Variants in TMC2 observed in about 807,000 individuals in gnomAD.
TMC2 encodes the protein transmembrane channel-like protein 2.
TMC2 carries 102 observed loss-of-function variants against 105.9 expected under a neutral mutation model. The ratio of observed to expected loss-of-function variants is 0.96; its 90% confidence interval spans 0.82 to 1.14. TMC2 has a LOEUF of 1.14. Ranked by LOEUF, TMC2 falls within the 50% of genes most tolerant of loss-of-function variation. TMC2 has a pLI of 0.00. For missense variants in TMC2, 1,093 were observed against 1,134.3 expected, an observed-to-expected ratio of 0.96 and a Z score of 0.52; for synonymous variants, 402 against 422.8, an observed-to-expected ratio of 0.95 and a Z score of 0.60.
At chr20:2,581,486 C>G (rs1600111495) in intron 7 of TMC2, among the ~76,000 whole-genome samples, 1 of 152,158 alleles carries the variant, frequency 6.6e-6, no homozygotes, top group African/African-American at 2.4e-5. Flanking sequence ...TACACAAACA[C>G]TCTTACACCA....
intron 7 of TMC2, among the ~76,000 whole-genome samples, chr20:2,584,074 T>C (rs1020187512): frequency 4.6e-5 from 7 of 152,176 alleles, no homozygotes; most frequent in Non-Finnish European, 1.0e-4. Context: ...TAGGTTTACA[T>C]AGCAAGCATT....
chr20:2,544,047 G>A (rs989540722), intron 2 of TMC2, among the ~76,000 whole-genome samples: 15 of 149,718 alleles, frequency 1.0e-4, no homozygotes, highest in African/African-American at 1.5e-4. Flanking sequence ...GACTACAGGC[G>A]CTCGCCACCA....
intron 2 of TMC2, among the ~76,000 whole-genome samples, chr20:2,551,213 T>C (rs1266936343): frequency 1.3e-5 from 2 of 152,186 alleles, no homozygotes; most frequent in Non-Finnish European, 2.9e-5. Flanking sequence ...CCTAATGACA[T>C]ACCATGTTGA....
intron 17 of TMC2, among the ~76,000 whole-genome samples, chr20:2,625,937 G>T (rs1320986568): frequency 6.6e-6 from 1 of 152,090 alleles, no homozygotes; most frequent in African/African-American, 2.4e-5. Context: ...TAAAATCCCA[G>T]TCTGATATTC....
At chr20:2,634,646 C>T (rs1055729831) in intron 17 of TMC2, among the ~76,000 whole-genome samples, 1 of 152,176 alleles carries the variant, frequency 6.6e-6, no homozygotes, top group Non-Finnish European at 1.5e-5. Context: ...CACCCATGAG[C>T]ATTTTATCCA....
At position 2,606,291 on chromosome 20, in the gene TMC2, G is replaced by A. The variant is rs543945185; in HGVS notation, c.1413+3990G>A. Among the ~76,000 whole-genome samples, 25 of 152,000 alleles carry A rather than the reference G, an allele frequency of 1.6e-4. No homozygotes were observed. The South Asian group carries it at 3.3e-3, about 20-fold the overall frequency. ...TTATTTACTTTTGAGATGAAGTCTC[G>A]CTCTGTCACCCAGGCTGGAGTGCAG... On this transcript the variant is annotated intron_variant, in intron 11 of 19. Coordinates refer to ENST00000358864, the MANE Select transcript of TMC2 (RefSeq NM_080751.3).
At chr20:2,611,884 G>GGGT (rs2086442459) in intron 12 of TMC2, among the ~76,000 whole-genome samples, 1 of 140,046 alleles carries the variant, frequency 7.1e-6, no homozygotes, top group Admixed American at 6.9e-5. Context: ...GTGGGTGGGT[G>GGGT]GGTGGATGGA....
In TMC2 at chr20:2,592,279, T is replaced by A. The variant is rs750053287; in HGVS notation, c.835-31T>A. 5.5e-6 allele frequency: 8 copies of A among 1,443,396 alleles called. No homozygotes were observed. In the Admixed American group the frequency reaches 1.2e-4, roughly 21 times the overall value. 89.4% of individuals were successfully genotyped at this position (1,443,396 alleles called of 1,614,324 possible). On this transcript the variant is annotated intron_variant, in intron 7 of 19. Coordinates refer to ENST00000358864, the MANE Select transcript of TMC2 (RefSeq NM_080751.3). The surrounding 1 kb of genome is among the most constrained non-coding windows in gnomAD (Gnocchi z 4.9). ...CTCTGTGTGTTTGTATTTCCTCCACTCATACTTGTGTCATTGTGTTTCTGC... is the reference window on the plus strand; with the variant it reads ...CTCTGTGTGTTTGTATTTCCTCCACACATACTTGTGTCATTGTGTTTCTGC...
chr20:2,599,472 C>T (rs2086334096), intron 10 of TMC2, among the ~76,000 whole-genome samples: 1 of 149,470 alleles, frequency 6.7e-6, no homozygotes, highest in South Asian at 2.1e-4. Context: ...AAGCATTGTA[C>T]ATTGTACTTT....
rs781414816 is a variant in TMC2, at chr20:2,610,536, G to A, written c.1531G>A (p.Ala511Thr). The A allele has an allele frequency of 1.9e-6, 3 of 1,613,586 alleles. No homozygotes were observed. In the South Asian group the frequency reaches 3.3e-5, roughly 18 times the overall value. The change falls in exon 12 of 20, where the codon GCA becomes ACA. Residue 511 changes from alanine to threonine, a missense_variant. Coordinates refer to ENST00000358864, the MANE Select transcript of TMC2 (RefSeq NM_080751.3). ...GAAGTGGCAGCTGGGACGCATCTTT[G>A]CACTCTTCCTGGGGAACCTCTACAC... ...GLKWQLGRIF[A>T]LFLGNLYTFL...
rs772534021 is a variant in TMC2, at chr20:2,558,095, T to A, written c.83-361T>A. On this transcript the variant is annotated intron_variant, in intron 2 of 19. Coordinates refer to ENST00000358864, the MANE Select transcript of TMC2 (RefSeq NM_080751.3). The surrounding 1 kb of genome is among the most constrained non-coding windows in gnomAD (Gnocchi z 4.6). ...ATGATCGGAGGACAAAAGGGTATGA[T>A]GTCATGGTAATCAACCAGGGGGAAG... 2 of 266,842 alleles carry A rather than the reference T, an allele frequency of 7.5e-6. No individual in the cohort carries two copies. The highest frequency in any genetic ancestry group is 1.4e-5 in the Non-Finnish European group (2 of 138,820). The allele number at this position is 266,842 out of a possible 1,614,324, so 16.5% of individuals were successfully genotyped here.
chr20:2,539,373 A>G (rs1179920090), intron 2 of TMC2, among the ~76,000 whole-genome samples: 1 of 152,260 alleles, frequency 6.6e-6, no homozygotes, highest in Non-Finnish European at 1.5e-5. Flanking sequence ...ACTAAATTAC[A>G]GCAGGAATTA....
Position 2,607,122 on chromosome 20 carries a change from G to T in TMC2, c.1414-3297G>T, listed in dbSNP as rs78216365. On this transcript the variant is annotated intron_variant, in intron 11 of 19. Coordinates refer to ENST00000358864, the MANE Select transcript of TMC2 (RefSeq NM_080751.3). ...TTTTCCTTGAAATAACTTTGTATGG[G>T]ATTTGACCTAGAAAAAACTTTTCCA... 5.1e-3 allele frequency among the ~76,000 whole-genome samples: 771 copies of T among 151,774 alleles called. 9 individuals carry two copies. The highest frequency in any genetic ancestry group is 0.017 in the African/African-American group (724 of 41,452).
intron 6 of TMC2, among the ~76,000 whole-genome samples, chr20:2,579,686 A>G (rs1284920675): frequency 6.6e-6 from 1 of 152,060 alleles, no homozygotes; most frequent in Non-Finnish European, 1.5e-5. Context: ...AGCCTCCCAA[A>G]GTGCTGGGAT....
In TMC2 at chr20:2,579,270, A is replaced by G. The variant is rs189948880; in HGVS notation, c.727+43A>G. 1.6e-4 allele frequency: 195 copies of G among 1,224,768 alleles called. No homozygotes were observed. The African/African-American group carries it at 2.6e-3, about 16-fold the overall frequency. The allele number at this position is 1,224,768 out of a possible 1,614,324, so 75.9% of individuals were successfully genotyped here. Reference sequence around the variant, plus strand: ...ACTGTTTTTTTAATTGGTTTCCTAAAGCGTTTCCCAAGAGCTTGGATTGTT... The same window carrying G: ...ACTGTTTTTTTAATTGGTTTCCTAAGGCGTTTCCCAAGAGCTTGGATTGTT... On this transcript the variant is annotated intron_variant, in intron 6 of 19. Coordinates refer to ENST00000358864, the MANE Select transcript of TMC2 (RefSeq NM_080751.3).
chr20:2,540,757 G>C (rs1324855450), intron 2 of TMC2, among the ~76,000 whole-genome samples: 1 of 151,850 alleles, frequency 6.6e-6, no homozygotes, highest in Non-Finnish European at 1.5e-5. Flanking sequence ...ATCACAGCCA[G>C]TATGCTCACA....
chr20:2,563,925 G>T (rs538993776), intron 4 of TMC2, among the ~76,000 whole-genome samples: 8 of 151,804 alleles, frequency 5.3e-5, no homozygotes, highest in Non-Finnish European at 1.2e-4. Context: ...ACAGGGTCTC[G>T]CTATGTTGCC....
chr20:2,598,526 TG>T (rs1288078417), intron 10 of TMC2, among the ~76,000 whole-genome samples: 1 of 152,076 alleles, frequency 6.6e-6, no homozygotes, highest in African/African-American at 2.4e-5. Context: ...GTGATTCTCC[TG>T]CTTCAGCCTC....
intron 16 of TMC2, among the ~76,000 whole-genome samples, chr20:2,619,557 T>C (rs1193867056): frequency 6.6e-6 from 1 of 152,140 alleles, no homozygotes; most frequent in Non-Finnish European, 1.5e-5. Flanking sequence ...TCTCAGTTCA[T>C]AAAGGACTTT....
Sources: allele counts gnomAD v4.1 joint callset (sites outside exome capture counted in the v4.1 genomes callset), GRCh38; gene constraint gnomAD v4.1.1; non-coding constraint Gnocchi (gnomAD v3.1); transcripts MANE v1.5; gene names NCBI Gene and HGNC (gene_info 2026-07-23, HGNC 2026-07-21).